LRRK2: variants seen among roughly 807,000 people sequenced by gnomAD.
The protein encoded by LRRK2 is leucine rich repeat kinase 2.
A neutral mutation model predicts 302.6 loss-of-function variants in LRRK2; 203 were observed. That is an observed-to-expected ratio of 0.67 (90% CI 0.60 to 0.75). The LOEUF is 0.75. LRRK2 is among the 30% of genes least tolerant of loss of function. The probability of loss-of-function intolerance (pLI) is 0.00; values close to 1 mark genes in which losing one functional copy is unlikely to be tolerated. For missense variants in LRRK2, 2,830 were observed against 2,951.0 expected (o/e 0.96, Z 0.95); for synonymous variants, 1,066 against 1,031.9 (o/e 1.03, Z -0.63).
Position 40,322,061 on chromosome 12 carries a change from T to C in LRRK2, c.5197T>C (p.Tyr1733His). ...RERALRPNRM[Y>H]WRQGIYLNWS... ...ACGAGCACTTCGCCCAAACAGAATG[T>C]ATTGGCGACAAGGCATTTACTTAAA... The change falls in exon 36 of 51, where the codon TAT becomes CAT. Residue 1733 changes from tyrosine to histidine, a missense_variant. Tyr to His is a moderately conservative substitution (Grantham distance 83, BLOSUM62 2). Transcript: ENST00000298910. The C allele has an allele frequency of 6.2e-7, 1 of 1,613,424 alleles. No individual in the cohort carries two copies. The highest frequency in any genetic ancestry group is 8.5e-7 in the Non-Finnish European group (1 of 1,179,482).
chr12:40,232,977 A>G (rs1408575619), intron 3 of LRRK2, among the ~76,000 whole-genome samples: 2 of 152,212 alleles, frequency 1.3e-5, no homozygotes, highest in African/African-American at 4.8e-5. Flanking sequence ...AGATGAGACT[A>G]CTTCCTTAGC....
At chr12:40,342,872 G>A (rs1485992188) in intron 41 of LRRK2, among the ~76,000 whole-genome samples, 1 of 151,860 alleles carries the variant, frequency 6.6e-6, no homozygotes, top group African/African-American at 2.4e-5. Flanking sequence ...GTCCATTACG[G>A]CTGTATTAGG....
intron 33 of LRRK2, among the ~76,000 whole-genome samples, chr12:40,317,537 A>T (rs549768262): frequency 6.6e-5 from 10 of 152,214 alleles, no homozygotes; most frequent in East Asian, 1.9e-4. Flanking sequence ...TAAACTTATT[A>T]AAAAAAGGTA....
At chr12:40,225,503 G>T (rs1940824512) in intron 1 of LRRK2, 52 bp from the exon 2 acceptor site, 3 of 1,473,630 alleles carry the variant, frequency 2.0e-6, no homozygotes, top group Admixed American at 3.3e-5. Context: ...AAAGGAGAGG[G>T]GGTGCTGTGG....
chr12:40,283,783 T>C, intron 18 of LRRK2, 92 bp from the exon 19 acceptor site: 1 of 1,097,310 alleles, frequency 9.1e-7, no homozygotes, highest in Non-Finnish European at 1.3e-6. Flanking sequence ...ATTGGAGATG[T>C]AGAGAAAAAT....
rs869184215 is a variant in LRRK2, at chr12:40,309,296, G to GTGTA, written c.4317+66_4317+67insATGT. 4.5e-5 allele frequency: 70 copies of GTGTA among 1,567,452 alleles called. No individual in the cohort carries two copies. In the African/African-American group the frequency reaches 9.1e-4, roughly 20 times the overall value. ...CATGTGTCTGTGTGCGTGTGTGTGT[G>GTGTA]TGTGTGTAAGTTAATTTATTTTGGG... On this transcript the variant is annotated intron_variant, in intron 30 of 50. Transcript: ENST00000298910.
chr12:40,229,062 T>C (rs560350775), intron 2 of LRRK2, among the ~76,000 whole-genome samples: 1 of 152,338 alleles, frequency 6.6e-6, no homozygotes, highest in East Asian at 1.9e-4. Flanking sequence ...ACTGTGGCCA[T>C]GCTAGGTACA....
At chr12:40,259,983 T>C (rs1032963358) in intron 13 of LRRK2, among the ~76,000 whole-genome samples, 3 of 152,168 alleles carry the variant, frequency 2.0e-5, no homozygotes, top group Admixed American at 1.3e-4. Context: ...TCTTCCTTCA[T>C]TTCTATCCTT....
chr12:40,294,189 T>G (rs1944289647), intron 21 of LRRK2, among the ~76,000 whole-genome samples: 2 of 151,740 alleles, frequency 1.3e-5, no homozygotes, highest in South Asian at 4.1e-4. Flanking sequence ...CATCTATCTA[T>G]CAATCATCTA....
rs1946915907 is a variant in LRRK2 at position 40,367,555 on chromosome 12, A to G, written c.7463-89A>G. ...GTTTATATTTACATTTATCTAAGTC[A>G]ACTAAAAATACATGAGCCAAACTGA... On this transcript the variant is annotated intron_variant, in intron 50 of 50. Coordinates refer to ENST00000298910, the MANE Select transcript of LRRK2 (RefSeq NM_198578.4). 1.3e-5 allele frequency: 16 copies of G among 1,267,864 alleles called. 1 individual carries two copies. The South Asian group carries it at 2.3e-4, about 19-fold the overall frequency. The allele number at this position is 1,267,864 out of a possible 1,614,324, so 78.5% of individuals were successfully genotyped here.
At chr12:40,350,913 A>G (rs1400979223) in intron 43 of LRRK2, among the ~76,000 whole-genome samples, 1 of 152,222 alleles carries the variant, frequency 6.6e-6, no homozygotes, top group Non-Finnish European at 1.5e-5. Flanking sequence ...TGTTTAAAAT[A>G]TAACATATAC....
intron 38 of LRRK2, 93 bp downstream of exon 38, chr12:40,323,399 T>C: frequency 9.5e-7 from 1 of 1,047,914 alleles, no homozygotes; most frequent in Non-Finnish European, 1.4e-6. Flanking sequence ...TTGTCATAGA[T>C]TTTACTGTCT....
rs578262678 is a variant in LRRK2 at position 40,303,758 on chromosome 12, C to A, written c.3591-190C>A. Among the ~76,000 whole-genome samples the A allele has an allele frequency of 1.5e-4, 23 of 152,194 alleles. No homozygotes were observed. The South Asian group carries it at 2.7e-3, about 18-fold the overall frequency. ...ACTTCATAAGAGATGAAGTAACTTGCCCAGAGTCATAGTTCTTAAACACTG... is the reference window on the plus strand; with the variant it reads ...ACTTCATAAGAGATGAAGTAACTTGACCAGAGTCATAGTTCTTAAACACTG... On this transcript the variant is annotated intron_variant, in intron 26 of 50. Transcript: ENST00000298910.
At chr12:40,330,191 T>A (rs1424711622) in intron 39 of LRRK2, among the ~76,000 whole-genome samples, 1 of 152,204 alleles carries the variant, frequency 6.6e-6, no homozygotes, top group Admixed American at 6.5e-5. Context: ...CTTCGAGTAA[T>A]TTTTTTAAGA....
chr12:40,249,870 G>C lies in LRRK2; in HGVS notation c.883G>C (p.Val295Leu). The C allele has an allele frequency of 6.2e-7, 1 of 1,613,898 alleles. No homozygotes were observed. The change falls in exon 8 of 51, where the codon GTG (valine) becomes CTG (leucine). Residue 295 changes from valine (V) to leucine (L), a missense_variant. Physicochemically the swap from Val to Leu is conservative, Grantham distance 32. Coordinates refer to ENST00000298910, the MANE Select transcript of LRRK2 (RefSeq NM_198578.4). ...GGTATTAAACGAAGTCCATGAGTTT[G>C]TGGTGAAAGCTGTGCAGCAGTACCC... ...ILVLNEVHEF[V>L]VKAVQQYPEN...
chr12:40,295,324 C>A lies in LRRK2; in HGVS notation c.2879-103C>A, dbSNP rs1442678467. 5.7e-6 allele frequency: 6 copies of A among 1,052,276 alleles called. No individual in the cohort carries two copies. The Admixed American group carries it at 5.7e-5, about 10-fold the overall frequency. 65.2% of individuals were successfully genotyped at this position (1,052,276 alleles called of 1,614,324 possible). A position where few individuals can be genotyped will look rare whatever the true frequency, so the allele number is the denominator to read the frequency against. ...TTGGTTTTCTACTGAATCTTCAGTG[C>A]CTTGAAGAAAGCCTGATTGCTAGGA... On this transcript the variant is annotated intron_variant, in intron 22 of 50. Coordinates refer to ENST00000298910, the MANE Select transcript of LRRK2 (RefSeq NM_198578.4).
intron 20 of LRRK2, 131 bp downstream of exon 20, chr12:40,287,670 C>A: frequency 1.1e-6 from 1 of 884,962 alleles, no homozygotes; most frequent in Non-Finnish European, 1.7e-6. Flanking sequence ...TTATCGCAAA[C>A]AGTTAAGTTT....
At position 40,367,546 on chromosome 12, in the gene LRRK2, A is replaced by C. The variant is rs1194261405; in HGVS notation, c.7463-98A>C. The C allele has an allele frequency of 6.9e-6, 8 of 1,163,620 alleles. No homozygotes were observed. The Admixed American group carries it at 1.9e-4, about 28-fold the overall frequency. 72.1% of individuals were successfully genotyped at this position (1,163,620 alleles called of 1,614,324 possible). A position where few individuals can be genotyped will look rare whatever the true frequency, so the allele number is the denominator to read the frequency against. On this transcript the variant is annotated intron_variant, in intron 50 of 50. Transcript: ENST00000298910. ...TATAGCTGTGTTTATATTTACATTT[A>C]TCTAAGTCAACTAAAAATACATGAG... is the stretch of plus-strand genomic sequence containing the variant.
chr12:40,237,319 G>T (rs1418638562), intron 4 of LRRK2, among the ~76,000 whole-genome samples: 1 of 152,158 alleles, frequency 6.6e-6, no homozygotes, highest in African/African-American at 2.4e-5. Context: ...TATAATGCAG[G>T]CAATAAACCA....
Sources: allele counts gnomAD v4.1 joint callset (sites outside exome capture counted in the v4.1 genomes callset), GRCh38; gene constraint gnomAD v4.1.1; transcripts MANE v1.5; gene names NCBI Gene and HGNC (gene_info 2026-07-23, HGNC 2026-07-21).